CNBD1: variants seen among roughly 807,000 people sequenced by gnomAD.
The protein encoded by CNBD1 is cyclic nucleotide binding domain containing 1.
CNBD1 carries 71 observed loss-of-function variants against 54.4 expected under a neutral mutation model. The observed-to-expected ratio is 1.30, with a 90% CI of 1.08 to 1.59. The LOEUF is 1.59. Among genes scored for constraint, CNBD1 ranks in the 40% most tolerant of loss-of-function variants. The probability of loss-of-function intolerance (pLI) is 0.00; values close to 1 mark genes in which losing one functional copy is unlikely to be tolerated. For missense variants in CNBD1, 659 were observed against 518.0 expected (o/e 1.27, Z -2.64); for synonymous variants, 182 against 170.7 (o/e 1.07, Z -0.51).
At chr8:86,895,846 A>G (rs1252444434) in intron 2 of CNBD1, among the ~76,000 whole-genome samples, 1 of 152,084 alleles carries the variant, frequency 6.6e-6, no homozygotes, top group Admixed American at 6.6e-5. Context: ...GATGCCAGCT[A>G]TTTATCAAAT....
Position 86,890,862 on chromosome 8 carries a change from T to A in CNBD1, c.158+3251T>A, listed in dbSNP as rs1199860787. Among the ~76,000 whole-genome samples, 4 of 152,148 alleles carry A rather than the reference T, an allele frequency of 2.6e-5. 1 individual carries two copies. Among genetic ancestry groups the A allele is most frequent in the Admixed American group, 2.6e-4 (4 of 15,272 alleles). ...AGTGCTATCAAGCATTTGTTATTTTTTTTTTCATGAACACATTGGCTATAC... is the reference window on the plus strand; with the variant it reads ...AGTGCTATCAAGCATTTGTTATTTTATTTTTCATGAACACATTGGCTATAC... On this transcript the variant is annotated intron_variant, in intron 2 of 10. Coordinates refer to ENST00000518476, the MANE Select transcript of CNBD1 (RefSeq NM_173538.3).
At chr8:87,058,880 A>T (rs1279006120) in intron 4 of CNBD1, among the ~76,000 whole-genome samples, 2 of 152,328 alleles carry the variant, frequency 1.3e-5, no homozygotes, top group Non-Finnish European at 2.9e-5. Context: ...AAATTTATGC[A>T]GCAGGCTTGA....
chr8:87,250,356 T>C (rs1434169674), intron 6 of CNBD1, among the ~76,000 whole-genome samples: 3 of 152,294 alleles, frequency 2.0e-5, no homozygotes, highest in East Asian at 1.9e-4. Flanking sequence ...AAAGGGGAAC[T>C]CTTGTACACT....
rs534456832 is a variant in CNBD1, at chr8:86,913,184, G to A, written c.272+7990G>A. On this transcript the variant is annotated intron_variant, in intron 3 of 10. Transcript: ENST00000518476. ...CAAATAAATCTAGTGTAGCCTAAGTGTACAGTGTTTTTAAATTCTGTATTC... is the reference window on the plus strand; with the variant it reads ...CAAATAAATCTAGTGTAGCCTAAGTATACAGTGTTTTTAAATTCTGTATTC... 8.0e-4 allele frequency among the ~76,000 whole-genome samples: 122 copies of A among 152,230 alleles called. 1 individual carries two copies. Among genetic ancestry groups the A allele is most frequent in the Non-Finnish European group, 1.6e-3 (110 of 68,018 alleles).
At chr8:87,406,442 G>A (rs1807653510) in intron 2 of CNBD1, among the ~76,000 whole-genome samples, 1 of 124,452 alleles carries the variant, frequency 8.0e-6, no homozygotes, top group Non-Finnish European at 1.7e-5. Flanking sequence ...ATATATATGT[G>A]TGTATACACA....
chr8:86,998,875 C>G (rs188011052), intron 4 of CNBD1, among the ~76,000 whole-genome samples: 1 of 152,140 alleles, frequency 6.6e-6, no homozygotes, highest in East Asian at 1.9e-4. Context: ...TTGCCTTATG[C>G]TGGACCCTCA....
intron 4 of CNBD1, among the ~76,000 whole-genome samples, chr8:87,064,885 ACT>A (rs965443347): frequency 1.3e-5 from 2 of 151,412 alleles, no homozygotes; most frequent in African/African-American, 4.8e-5. Flanking sequence ...TGTTCCATTC[ACT>A]CTCTTTTCTT....
rs71277935 is a variant in CNBD1, at chr8:87,338,619, GT to G, written c.1043-13055del. ...CTCTGCTTTCTTTCATTTTTTCTTT[GT>G]TTTTTTTTTTCTAGTTTGAAAAGTA... is the stretch of plus-strand genomic sequence containing the variant. On this transcript the variant is annotated intron_variant, in intron 8 of 10. Transcript: ENST00000518476. Among the ~76,000 whole-genome samples the G allele has an allele frequency of 7.2e-3, 1,002 of 139,980 alleles. 10 individuals carry two copies. Among genetic ancestry groups the G allele is most frequent in the African/African-American group, 0.024 (881 of 36,836 alleles). The allele number at this position is 139,980 out of a possible 152,430, so 91.8% of individuals were successfully genotyped here. A position where few individuals can be genotyped will look rare whatever the true frequency, so the allele number is the denominator to read the frequency against.
chr8:87,236,469 C>T (rs780034552), intron 5 of CNBD1, among the ~76,000 whole-genome samples: 7 of 151,946 alleles, frequency 4.6e-5, no homozygotes, highest in Non-Finnish European at 8.8e-5. Context: ...TGATTGTCAT[C>T]ATGTCCAGAG....
chr8:87,373,087 A>G (rs1810852096), intron 10 of CNBD1, among the ~76,000 whole-genome samples: 1 of 151,838 alleles, frequency 6.6e-6, no homozygotes, highest in South Asian at 2.1e-4. Context: ...TGGATGGGTG[A>G]ATTCTTCCAG....
intron 4 of CNBD1, among the ~76,000 whole-genome samples, chr8:87,133,376 C>G (rs963111325): frequency 2.2e-4 from 34 of 152,244 alleles, no homozygotes; most frequent in African/African-American, 7.9e-4. Context: ...AAATATTAAC[C>G]TTTGACTCAC....
Position 87,290,990 on chromosome 8 carries a change from CTATT to C in CNBD1, c.1042+4324_1042+4327del, listed in dbSNP as rs1012629837. 3.7e-4 allele frequency among the ~76,000 whole-genome samples: 57 copies of C among 152,048 alleles called. 3 individuals are homozygous for C. On this transcript the variant is annotated intron_variant, in intron 8 of 10. Transcript: ENST00000518476. ...ATTTTCTGTCACATACTTTATAGCC[CTATT>C]TATTACTAATCTCTCTGTTTCTGAC...
intron 4 of CNBD1, among the ~76,000 whole-genome samples, chr8:87,080,442 C>T (rs989694961): frequency 6.6e-6 from 1 of 151,666 alleles, no homozygotes; most frequent in African/African-American, 2.4e-5. Flanking sequence ...ATTAGCTGGG[C>T]GTGGTGGCAC....
chr8:87,181,629 G>C (rs1243450500), intron 4 of CNBD1, among the ~76,000 whole-genome samples: 1 of 151,912 alleles, frequency 6.6e-6, no homozygotes, highest in East Asian at 1.9e-4. Context: ...GTGGCTACAG[G>C]TTTTTCAAAA....
At chr8:87,302,241 A>G (rs2130883250) in intron 8 of CNBD1, among the ~76,000 whole-genome samples, 1 of 152,338 alleles carries the variant, frequency 6.6e-6, no homozygotes, top group East Asian at 1.9e-4. Flanking sequence ...AATCCTCAAT[A>G]AAATACTGGC....
chr8:86,899,578 C>T (rs953479250), intron 2 of CNBD1, among the ~76,000 whole-genome samples: 3 of 152,028 alleles, frequency 2.0e-5, no homozygotes, highest in Admixed American at 2.0e-4. Flanking sequence ...TGATTCCCTC[C>T]TTTATTTTCA....
Position 87,299,506 on chromosome 8 carries a change from A to G in CNBD1, c.1042+12835A>G, listed in dbSNP as rs566779634. ...TTCACATAGATCTTCCTTAGTTTTC[A>G]TGTAAATGAAATAAGTCTTTGGGAA... is the stretch of plus-strand genomic sequence containing the variant. On this transcript the variant is annotated intron_variant, in intron 8 of 10. Transcript: ENST00000518476. Among the ~76,000 whole-genome samples, 143 of 152,216 alleles carry G rather than the reference A, an allele frequency of 9.4e-4. 1 individual carries two copies. Among genetic ancestry groups the G allele is most frequent in the Non-Finnish European group, 3.4e-4 (23 of 68,036 alleles).
chr8:87,364,899 G>A (rs1485075868), intron 10 of CNBD1, among the ~76,000 whole-genome samples: 2 of 152,042 alleles, frequency 1.3e-5, no homozygotes, highest in African/African-American at 2.4e-5. Flanking sequence ...TTGTAGATGG[G>A]CATTTAGGTT....
intron 4 of CNBD1, among the ~76,000 whole-genome samples, chr8:87,085,983 G>T (rs977339645): frequency 6.6e-6 from 1 of 151,994 alleles, no homozygotes; most frequent in Non-Finnish European, 1.5e-5. Context: ...TTCATAATAG[G>T]GATAGGGCAA....
Sources: allele counts gnomAD v4.1 joint callset (sites outside exome capture counted in the v4.1 genomes callset), GRCh38; gene constraint gnomAD v4.1.1; transcripts MANE v1.5; gene names NCBI Gene and HGNC (gene_info 2026-07-23, HGNC 2026-07-21).